The following NRXN1 variants were observed in gnomAD, a reference collection of about 807,000 sequenced individuals.
NRXN1 encodes neurexin-1.
In NRXN1, 39 loss-of-function variants were observed where a neutral mutation model predicts 150.9. The ratio of observed to expected loss-of-function variants is 0.26; its 90% CI spans 0.20 to 0.34. The LOEUF (loss-of-function observed/expected upper bound fraction) is 0.34. Ranked by LOEUF, NRXN1 falls within the 10% of genes least tolerant of loss-of-function variation. NRXN1 has a pLI of 1.00. For synonymous variants in NRXN1, 924 were observed against 757.0 expected, an observed-to-expected ratio of 1.22 and a Z score of -3.62; for missense variants, 1,815 against 1,949.9, an observed-to-expected ratio of 0.93 and a Z score of 1.30.
intron 18 of NRXN1, among the ~76,000 whole-genome samples, chr2:50,148,394 C>T (rs1407658475): frequency 6.6e-6 from 1 of 151,464 alleles, no homozygotes; most frequent in East Asian, 2.0e-4. Flanking sequence ...AAGCAGAGCA[C>T]TTGCTACATT....
At chr2:50,922,558 A>T in intron 4 of NRXN1, 100 bp downstream of exon 4, 1 of 1,048,992 alleles carries the variant, frequency 9.5e-7, no homozygotes, top group African/African-American at 1.6e-5. Flanking sequence ...GCAGCCATAT[A>T]ATTTGCAAGC....
chr2:49,929,541 C>T (rs1045000665), intron 22 of NRXN1, among the ~76,000 whole-genome samples: 1 of 152,140 alleles, frequency 6.6e-6, no homozygotes, highest in Admixed American at 6.5e-5. Flanking sequence ...CAGCTACCTA[C>T]TCCAATTTGT....
At chr2:50,544,984 T>C (rs2093463481) in intron 9 of NRXN1, among the ~76,000 whole-genome samples, 1 of 152,162 alleles carries the variant, frequency 6.6e-6, no homozygotes, top group African/African-American at 2.4e-5. Context: ...AACTATAATC[T>C]TGACTATAGA....
At chr2:50,847,230 A>T (rs1673789992) in intron 5 of NRXN1, among the ~76,000 whole-genome samples, 2 of 151,978 alleles carry the variant, frequency 1.3e-5, no homozygotes, top group Admixed American at 1.3e-4. Context: ...TTCTTTTTTT[A>T]TTATTATTAT....
intron 5 of NRXN1, among the ~76,000 whole-genome samples, chr2:50,745,298 T>TCC (rs1559200922): frequency 7.9e-5 from 8 of 101,644 alleles, no homozygotes; most frequent in African/African-American, 2.6e-4. Context: ...TATTTATATC[T>TCC]GCCCCCCCCC....
At chr2:50,202,422 C>T (rs1036773307) in intron 18 of NRXN1, among the ~76,000 whole-genome samples, 1 of 152,052 alleles carries the variant, frequency 6.6e-6, no homozygotes, top group Non-Finnish European at 1.5e-5. Flanking sequence ...AGGAGAATTG[C>T]TTGAACATGG....
intron 17 of NRXN1, among the ~76,000 whole-genome samples, chr2:50,330,085 G>A (rs1004943909): frequency 3.3e-5 from 5 of 151,958 alleles, no homozygotes; most frequent in African/African-American, 1.2e-4. Flanking sequence ...TTATATTATA[G>A]AAGGAAATTA....
At chr2:50,187,378 T>G (rs1435134240) in intron 18 of NRXN1, among the ~76,000 whole-genome samples, 1 of 152,114 alleles carries the variant, frequency 6.6e-6, no homozygotes, top group Non-Finnish European at 1.5e-5. Flanking sequence ...AAAGAGCTCA[T>G]TTTTTAAATC....
intron 17 of NRXN1, among the ~76,000 whole-genome samples, chr2:50,336,783 C>T (rs1397377545): frequency 1.3e-5 from 2 of 152,168 alleles, no homozygotes; most frequent in East Asian, 3.9e-4. Flanking sequence ...ATTAATAAAT[C>T]AGTCAGAACA....
At chr2:50,450,718 T>C (rs2086879472) in intron 17 of NRXN1, among the ~76,000 whole-genome samples, 1 of 152,200 alleles carries the variant, frequency 6.6e-6, no homozygotes. Context: ...CTCACTTTCC[T>C]CCAACTGCGT....
At chr2:50,046,291 C>T (rs1421573) in intron 21 of NRXN1, among the ~76,000 whole-genome samples, 23,660 of 152,130 alleles carry the variant, frequency 0.16, 2,316 homozygotes, top group East Asian at 0.39. Context: ...CCTCCACTGC[C>T]GCTTGCTTCC....
intron 17 of NRXN1, among the ~76,000 whole-genome samples, chr2:50,255,446 GTGTCAAATCTTTTTTC>G (rs1201339821): frequency 6.6e-6 from 1 of 152,176 alleles, no homozygotes; most frequent in African/African-American, 2.4e-5. Flanking sequence ...GGGCAGGTAA[GTGTCAAATCTTTTTTC>G]TTTTGTATTT....
intron 17 of NRXN1, among the ~76,000 whole-genome samples, chr2:50,239,711 T>C (rs1239780065): frequency 2.1e-5 from 2 of 95,748 alleles, no homozygotes; most frequent in Non-Finnish European, 4.3e-5. Context: ...TATATATATA[T>C]ATATTTATGA....
intron 18 of NRXN1, among the ~76,000 whole-genome samples, chr2:50,188,600 G>A (rs960449404): frequency 1.6e-4 from 25 of 152,072 alleles, no homozygotes; most frequent in African/African-American, 5.8e-4. Flanking sequence ...TACAGAATGG[G>A]AGAAAATTTT....
At chr2:50,247,035 T>C (rs2066564110) in intron 17 of NRXN1, among the ~76,000 whole-genome samples, 2 of 152,074 alleles carry the variant, frequency 1.3e-5, no homozygotes, top group African/African-American at 4.8e-5. Context: ...CTCCTGATTC[T>C]GAAACAAGCA....
rs577179892 is a variant in NRXN1 at position 49,964,637 on chromosome 2, C to T, written c.4129-20846G>A. 3.2e-4 allele frequency among the ~76,000 whole-genome samples: 49 copies of T among 151,842 alleles called. 1 individual carries two copies. Among genetic ancestry groups the T allele is most frequent in the African/African-American group, 1.0e-3 (43 of 41,448 alleles). On this transcript the variant is annotated intron_variant, in intron 21 of 22. Coordinates refer to ENST00000401669, the MANE Select transcript of NRXN1 (RefSeq NM_001330078.2). ...GGTGGATTGCCTGAGGTCAGGAGTT[C>T]GAGACCAGCCTGGCCAACATGGTGA...
chr2:50,424,311 G>GGGA (rs1276320514), intron 17 of NRXN1, among the ~76,000 whole-genome samples: 5 of 87,610 alleles, frequency 5.7e-5, no homozygotes, highest in East Asian at 7.4e-4. Flanking sequence ...GAGGAGGAGG[G>GGGA]GGAGGAGGAG....
intron 5 of NRXN1, among the ~76,000 whole-genome samples, chr2:50,892,632 A>G (rs1198209208): frequency 6.6e-6 from 1 of 152,136 alleles, no homozygotes; most frequent in African/African-American, 2.4e-5. Flanking sequence ...GAATTCTTAA[A>G]CCATTGATAA....
chr2:50,997,567 G>A (rs1396650571), intron 2 of NRXN1, among the ~76,000 whole-genome samples: 1 of 141,010 alleles, frequency 7.1e-6, no homozygotes, highest in East Asian at 2.0e-4. Context: ...GAGTGCAGTG[G>A]CATGATCATA....
Sources: allele counts gnomAD v4.1 joint callset (sites outside exome capture counted in the v4.1 genomes callset), GRCh38; gene constraint gnomAD v4.1.1; transcripts MANE v1.5; gene names NCBI Gene and HGNC (gene_info 2026-07-23, HGNC 2026-07-21).